ABCA1: variants seen among roughly 807,000 people sequenced by gnomAD.
The protein encoded by ABCA1 is ATP binding cassette subfamily A member 1.
Under a neutral mutation model 262.5 loss-of-function variants are expected in ABCA1, and 133 were observed. The ratio of observed to expected loss-of-function variants is 0.51; its 90% CI spans 0.44 to 0.59. The LOEUF is 0.59. ABCA1 is among the 20% of genes least tolerant of loss of function. The pLI is 0.00. For synonymous variants in ABCA1, 1,022 were observed against 1,043.5 expected (o/e 0.98, Z 0.40); for missense variants, 2,452 against 2,777.5 (o/e 0.88, Z 2.63).
rs367845626 is a variant in ABCA1 at position 104,837,458 on chromosome 9, G to A, written c.1164C>T (p.Asp388=). ...LLVGKILYTP[D]TPATRQVMAE... ...CCATGACCTGCCTTGTGGCTGGAGT[G>A]TCAGGTGTATACAGGATCTTCCCAA... is the stretch of plus-strand genomic sequence containing the variant. Residue 388 remains aspartate (D), a synonymous_variant, in exon 10 of 50, where the codon GAC becomes GAT. Coordinates refer to ENST00000374736, the MANE Select transcript of ABCA1 (RefSeq NM_005502.4). The A allele has an allele frequency of 4.3e-6, 7 of 1,613,964 alleles. No individual in the cohort carries two copies. The African/African-American group carries it at 6.7e-5, about 15-fold the overall frequency.
chr9:104,831,984 T>C (rs758509837), intron 12 of ABCA1, among the ~76,000 whole-genome samples, 157 bp from the exon 13 acceptor site: 1 of 152,242 alleles, frequency 6.6e-6, no homozygotes, highest in African/African-American at 2.4e-5. Context: ...CAACCAAGAA[T>C]GAAGGATTTT....
chr9:104,852,666 T>A (rs530710506), intron 7 of ABCA1, among the ~76,000 whole-genome samples: 14 of 152,014 alleles, frequency 9.2e-5, no homozygotes, highest in African/African-American at 3.4e-4. Flanking sequence ...GAGGTGAACA[T>A]AGAGTCTGAA....
At chr9:104,884,987 G>A (rs1839025183) in intron 3 of ABCA1, among the ~76,000 whole-genome samples, 1 of 152,224 alleles carries the variant, frequency 6.6e-6, no homozygotes, top group African/African-American at 2.4e-5. Context: ...TGTAATCCCA[G>A]CACTTTGGGA....
At chr9:104,841,865 T>C (rs1834409281) in intron 8 of ABCA1, among the ~76,000 whole-genome samples, 1 of 152,254 alleles carries the variant, frequency 6.6e-6, no homozygotes, top group Non-Finnish European at 1.5e-5. Flanking sequence ...TCAGCCCCAA[T>C]GCTATTATGA....
chr9:104,830,795 C>G, intron 14 of ABCA1, 130 bp downstream of exon 14: 5 of 1,043,530 alleles, frequency 4.8e-6, no homozygotes, highest in Non-Finnish European at 7.5e-6. Context: ...GTGGCTGCAA[C>G]TGTTGACAAC....
chr9:104,828,463 C>T (rs1270007576), intron 15 of ABCA1, among the ~76,000 whole-genome samples: 1 of 152,218 alleles, frequency 6.6e-6, no homozygotes, highest in Non-Finnish European at 1.5e-5. Context: ...AGGTATTGAG[C>T]CCTCATAAAT....
chr9:104,845,443 A>C, intron 8 of ABCA1, 34 bp downstream of exon 8: 1 of 1,479,332 alleles, frequency 6.8e-7, no homozygotes, highest in South Asian at 1.1e-5. Flanking sequence ...ACAGTGGATG[A>C]TCCGCTTCCT....
chr9:104,794,297 CT>C, intron 40 of ABCA1, 89 bp downstream of exon 40: 1 of 1,597,254 alleles, frequency 6.3e-7, no homozygotes, highest in South Asian at 1.1e-5. Flanking sequence ...GCTTAGTCAC[CT>C]GCTTCTTTCC....
chr9:104,859,133 T>C (rs1298214173), intron 6 of ABCA1, among the ~76,000 whole-genome samples: 1 of 152,244 alleles, frequency 6.6e-6, no homozygotes, highest in Non-Finnish European at 1.5e-5. Flanking sequence ...AAAGCATTTA[T>C]GCTATTTATC....
intron 5 of ABCA1, among the ~76,000 whole-genome samples, chr9:104,880,180 A>G (rs1190939029): frequency 6.6e-6 from 1 of 152,192 alleles, no homozygotes; most frequent in Admixed American, 6.5e-5. Context: ...ATCAGCTTCA[A>G]GGATCCTCCC....
intron 28 of ABCA1, 97 bp from the exon 29 acceptor site, chr9:104,811,021 C>A (rs1446388740): frequency 6.4e-7 from 1 of 1,553,940 alleles, no homozygotes; most frequent in African/African-American, 1.4e-5. Flanking sequence ...CAGCCCACCT[C>A]CCCGACCAAC....
chr9:104,911,639 A>G (rs1335451068), intron 1 of ABCA1, among the ~76,000 whole-genome samples: 1 of 152,124 alleles, frequency 6.6e-6, no homozygotes, highest in African/African-American at 2.4e-5. Context: ...CCTTAAGGGT[A>G]TCCTTGCTAG....
Position 104,817,441 on chromosome 9 carries a change from C to T in ABCA1, c.3463-37G>A, listed in dbSNP as rs548275014. Reference sequence around the variant, plus strand: ...GAAGGAGGTGAGAACGGGTCAGGGACGGAGCAAGGCAGAGCCACCAGCACC... The same window carrying T: ...GAAGGAGGTGAGAACGGGTCAGGGATGGAGCAAGGCAGAGCCACCAGCACC... On this transcript the variant is annotated intron_variant, in intron 23 of 49. Coordinates refer to ENST00000374736, the MANE Select transcript of ABCA1 (RefSeq NM_005502.4). The surrounding 1 kb of genome is among the most constrained non-coding windows in gnomAD (Gnocchi z 4.7). 168 of 1,611,264 alleles carry T rather than the reference C, an allele frequency of 1.0e-4. 3 individuals are homozygous for T. The South Asian group carries it at 1.6e-3, about 15-fold the overall frequency.
chr9:104,788,438 T>G lies in ABCA1; in HGVS notation c.6057A>C (p.Lys2019Asn), dbSNP rs569456967. Residue 2019 changes from lysine to asparagine, a missense_variant, in exon 45 of 50, where the codon AAA becomes AAC. This residue lies in a region of ABCA1 where 752 missense variants were observed against 944.5 expected (regional missense o/e 0.80). Coordinates refer to ENST00000374736, the MANE Select transcript of ABCA1 (RefSeq NM_005502.4). ...FFALLRGVPE[K>N]EVGKVGEWAI... The stretch of plus-strand genomic sequence containing the variant: ...GTGCCCACAGTACCTTGCCAACTTC[T>G]TTCTCTGGGACTCCTCTCAAAAGGG... The G allele has an allele frequency of 1.2e-5, 19 of 1,614,176 alleles. No homozygotes were observed. In the South Asian group the frequency reaches 2.1e-4, roughly 18 times the overall value.
Position 104,816,361 on chromosome 9 carries a change from T to C in ABCA1, c.3536-16A>G, listed in dbSNP as rs1831759142. 3 of 1,612,182 alleles carry C rather than the reference T, an allele frequency of 1.9e-6. No individual in the cohort carries two copies. The African/African-American group carries it at 4.0e-5, about 22-fold the overall frequency. ...GCAGAGACATCTGCAGGGACCAGAATGCAAAGATGGCTCAATCAACTCAGA... is the reference window on the plus strand; with the variant it reads ...GCAGAGACATCTGCAGGGACCAGAACGCAAAGATGGCTCAATCAACTCAGA... On this transcript the variant is annotated splice_polypyrimidine_tract_variant and intron_variant, in intron 24 of 49. Coordinates refer to ENST00000374736, the MANE Select transcript of ABCA1 (RefSeq NM_005502.4).
intron 7 of ABCA1, among the ~76,000 whole-genome samples, chr9:104,854,783 CAA>C (rs936438813): frequency 6.6e-6 from 1 of 152,212 alleles, no homozygotes; most frequent in Non-Finnish European, 1.5e-5. Context: ...CACTCCATAA[CAA>C]GTCTCCCTCA....
At position 104,824,490 on chromosome 9, in the gene ABCA1, A is replaced by T. The variant is rs1832652787; in HGVS notation, c.2631T>A (p.Gly877=). 1.9e-6 allele frequency: 3 copies of T among 1,614,098 alleles called. No homozygotes were observed. Among genetic ancestry groups the T allele is most frequent in the Admixed American group, 1.7e-5 (1 of 60,024 alleles). ...TTTCTGATATTCTCTTCTGGTTGGAACCAGGGTGGCTCTTCTCATCACTTT... is the reference window on the plus strand; with the variant it reads ...TTTCTGATATTCTCTTCTGGTTGGATCCAGGGTGGCTCTTCTCATCACTTT... ...GEESDEKSHP[G]SNQKRISEIC... The change falls in exon 18 of 50, where the codon GGT becomes GGA. Residue 877 remains glycine, a synonymous_variant. Coordinates refer to ENST00000374736, the MANE Select transcript of ABCA1 (RefSeq NM_005502.4).
At position 104,816,353 on chromosome 9, in the gene ABCA1, G is replaced by T; in HGVS notation, c.3536-8C>A. 6.2e-7 allele frequency: 1 copy of T among 1,612,722 alleles called. No individual in the cohort carries two copies. Among genetic ancestry groups the T allele is most frequent in the South Asian group, 1.1e-5 (1 of 90,974 alleles). ...TGGAGATAGCAGAGACATCTGCAGG[G>T]ACCAGAATGCAAAGATGGCTCAATC... On this transcript the variant is annotated splice_polypyrimidine_tract_variant and splice_region_variant and intron_variant, in intron 24 of 49. Transcript: ENST00000374736.
At chr9:104,853,298 T>A (rs2119078227) in intron 7 of ABCA1, among the ~76,000 whole-genome samples, 1 of 152,284 alleles carries the variant, frequency 6.6e-6, no homozygotes, top group East Asian at 1.9e-4. Flanking sequence ...CATTTTCACA[T>A]CACTGAGGCA....
Sources: allele counts gnomAD v4.1 joint callset (sites outside exome capture counted in the v4.1 genomes callset), GRCh38; gene constraint gnomAD v4.1.1; regional missense constraint gnomAD v4.1.1; non-coding constraint Gnocchi (gnomAD v3.1); transcripts MANE v1.5; gene names NCBI Gene and HGNC (gene_info 2026-07-23, HGNC 2026-07-21).